Variants in KL observed in about 807,000 individuals in gnomAD.
KL encodes the protein klotho.
KL carries 62 observed loss-of-function variants against 84.2 expected under a neutral mutation model. That is an observed-to-expected ratio of 0.74 (90% CI 0.60 to 0.91). The LOEUF (loss-of-function observed/expected upper bound fraction) is 0.91. Ranked by LOEUF, KL falls within the 40% of genes least tolerant of loss-of-function variation. The pLI is 0.00. For synonymous variants in KL, 528 were observed against 528.0 expected, an observed-to-expected ratio of 1.00 and a Z score of 0.00; for missense variants, 1,261 against 1,305.7, an observed-to-expected ratio of 0.97 and a Z score of 0.53.
In KL at chr13:33,040,320, T is replaced by C. The variant is rs147281544; in HGVS notation, c.820-13447T>C. On this transcript the variant is annotated intron_variant, in intron 1 of 4. Coordinates refer to ENST00000380099, the MANE Select transcript of KL (RefSeq NM_004795.4). ...TTATGTAAACACCACACAGTAGCAG[T>C]GACTTTTAAGGAAGTCCTCAGACAA... Among the ~76,000 whole-genome samples, 249 of 152,330 alleles carry C rather than the reference T, an allele frequency of 1.6e-3. 3 individuals are homozygous for C. Among genetic ancestry groups the C allele is most frequent in the African/African-American group, 5.6e-3 (234 of 41,578 alleles).
chr13:33,061,002 G>A lies in KL; in HGVS notation c.1923G>A (p.Met641Ile), dbSNP rs1478552088. ...CAGTGGTGGCCCTGTGGCAGCCTATGGCCCCGAACCAAGGACTGCCGCGCC... is the reference window on the plus strand; with the variant it reads ...CAGTGGTGGCCCTGTGGCAGCCTATAGCCCCGAACCAAGGACTGCCGCGCC... ...ITPVVALWQP[M>I]APNQGLPRLL... is the part of the protein sequence containing the mutation. The change falls in exon 4 of 5, where the codon ATG becomes ATA. Residue 641 changes from methionine (M) to isoleucine (I), a missense_variant. Met to Ile is a conservative substitution (Grantham distance 10). Transcript: ENST00000380099. 8.1e-6 allele frequency: 13 copies of A among 1,612,810 alleles called. No individual in the cohort carries two copies. Among genetic ancestry groups the A allele is most frequent in the Non-Finnish European group, 1.1e-5 (13 of 1,179,122 alleles).
intron 1 of KL, 110 bp downstream of exon 1, chr13:33,017,369 A>G: frequency 1.9e-6 from 2 of 1,036,178 alleles, no homozygotes; most frequent in Non-Finnish European, 1.4e-6. Flanking sequence ...CTTCACTTGG[A>G]CACGTGTATG....
chr13:33,065,125 A>T lies in KL; in HGVS notation c.*939A>T, dbSNP rs898831401. 4.4e-6 allele frequency: 1 copy of T among 225,838 alleles called. No homozygotes were observed. Among genetic ancestry groups the T allele is most frequent in the African/African-American group, 2.2e-5 (1 of 44,884 alleles). 14.0% of individuals were successfully genotyped at this position (225,838 alleles called of 1,614,324 possible). On this transcript the variant is annotated 3_prime_UTR_variant, in exon 5 of 5. Coordinates refer to ENST00000380099, the MANE Select transcript of KL (RefSeq NM_004795.4). The stretch of plus-strand genomic sequence containing the variant: ...CATGACCTTTCCCTAGAGAATAAGG[A>T]TGAAATAATCACTCATTCTATGAAC...
At chr13:33,047,894 A>T (rs537597065) in intron 1 of KL, among the ~76,000 whole-genome samples, 1 of 152,030 alleles carries the variant, frequency 6.6e-6, no homozygotes, top group South Asian at 2.1e-4. Flanking sequence ...TCTTATTATT[A>T]TTCCATTTAG....
chr13:33,016,360 C>G (rs1284262167), upstream of KL: 1 of 160,752 alleles, frequency 6.2e-6, no homozygotes, highest in Non-Finnish European at 1.3e-5. Flanking sequence ...GTGGGCGCGC[C>G]GGCGGTGGGC....
At position 33,016,493 on chromosome 13, in the gene KL, C is replaced by CGCTGCT. The variant is rs1402224286; in HGVS notation, c.58_63dup (p.Leu20_Leu21dup). The CGCTGCT allele has an allele frequency of 2.5e-6, 3 of 1,204,142 alleles. No homozygotes were observed. The highest frequency in any genetic ancestry group is 3.1e-6 in the Non-Finnish European group (3 of 971,066). The allele number at this position is 1,204,142 out of a possible 1,614,324, so 74.6% of individuals were successfully genotyped here. On this transcript the variant is annotated inframe_insertion, in exon 1 of 5. Coordinates refer to ENST00000380099, the MANE Select transcript of KL (RefSeq NM_004795.4). The stretch of plus-strand genomic sequence containing the variant: ...CCGCGGCCGCCGCCGCCGTCGCTGT[C>CGCTGCT]GCTGCTGCTGGTGCTGCTGGGCCTG...
Position 33,055,256 on chromosome 13 carries a change from C to T in KL, c.1540C>T (p.Pro514Ser), listed in dbSNP as rs3752472. 9.3e-3 allele frequency: 15,010 copies of T among 1,614,160 alleles called. 692 individuals carry two copies. In the Admixed American group the frequency reaches 0.1, roughly 11 times the overall value. ...NGFPPLPENQ[P>S]LEGTFPCDFA... ...CTTCCCTCCTTTACCTGAAAATCAGCCCCTAGAAGGGACATTTCCCTGTGA... is the reference window on the plus strand; with the variant it reads ...CTTCCCTCCTTTACCTGAAAATCAGTCCCTAGAAGGGACATTTCCCTGTGA... Residue 514 changes from proline to serine, a missense_variant, in exon 3 of 5, where the codon CCC (proline) becomes TCC (serine). By Grantham distance (74) the Pro-to-Ser change is moderately conservative (BLOSUM62 -1). Coordinates refer to ENST00000380099, the MANE Select transcript of KL (RefSeq NM_004795.4).
chr13:33,057,278 A>G (rs1471687942), intron 3 of KL, among the ~76,000 whole-genome samples: 1 of 151,968 alleles, frequency 6.6e-6, no homozygotes, highest in Non-Finnish European at 1.5e-5. Context: ...AATGCAGAAC[A>G]AGAGTGGGGG....
intron 1 of KL, among the ~76,000 whole-genome samples, chr13:33,032,622 C>T (rs921837045): frequency 6.6e-6 from 1 of 152,012 alleles, no homozygotes; most frequent in African/African-American, 2.4e-5. Context: ...TTCTTGATAT[C>T]ATGTAGCTTC....
intron 3 of KL, 98 bp downstream of exon 3, chr13:33,055,413 TTCTTTGA>T (rs1871922907): frequency 6.6e-7 from 1 of 1,520,042 alleles, no homozygotes; most frequent in Non-Finnish European, 9.1e-7. Context: ...ACATTGTCCG[TTCTTTGA>T]GCCAAAAACA....
At chr13:33,034,380 C>A (rs1462331182) in intron 1 of KL, among the ~76,000 whole-genome samples, 2 of 152,078 alleles carry the variant, frequency 1.3e-5, no homozygotes, top group African/African-American at 4.8e-5. Flanking sequence ...ATTTTAAATT[C>A]TGTAAGGGTA....
At chr13:33,041,988 T>C (rs1025854346) in intron 1 of KL, among the ~76,000 whole-genome samples, 6 of 152,188 alleles carry the variant, frequency 3.9e-5, no homozygotes, top group Non-Finnish European at 5.9e-5. Context: ...AACAGGATCA[T>C]ATTTTGAATC....
intron 1 of KL, among the ~76,000 whole-genome samples, chr13:33,045,639 C>A (rs965467823): frequency 6.6e-6 from 1 of 152,070 alleles, no homozygotes; most frequent in African/African-American, 2.4e-5. Flanking sequence ...TGCCACCACA[C>A]CGACTAATTT....
intron 1 of KL, among the ~76,000 whole-genome samples, chr13:33,019,577 A>G (rs1302927208): frequency 6.6e-6 from 1 of 152,068 alleles, no homozygotes; most frequent in East Asian, 1.9e-4. Context: ...GAGAGTCAAG[A>G]ATCATTGATG....
chr13:33,058,318 C>T (rs1872041209), intron 3 of KL, among the ~76,000 whole-genome samples: 1 of 151,636 alleles, frequency 6.6e-6, no homozygotes, highest in African/African-American at 2.4e-5. Flanking sequence ...GGAATTTTGC[C>T]CCAAAAGTCC....
intron 1 of KL, among the ~76,000 whole-genome samples, chr13:33,051,300 G>T (rs1256742434): frequency 6.6e-6 from 1 of 152,174 alleles, no homozygotes; most frequent in Non-Finnish European, 1.5e-5. Context: ...TTGGGAGGCT[G>T]AGGTGGGAGG....
chr13:33,042,410 C>T (rs1029657577), intron 1 of KL, among the ~76,000 whole-genome samples: 1 of 152,124 alleles, frequency 6.6e-6, no homozygotes, highest in East Asian at 1.9e-4. Context: ...CGTAGGAAAC[C>T]GCTGTTGTGA....
Position 33,063,863 on chromosome 13 carries a change from G to A in KL, c.2716G>A (p.Gly906Ser). 1.9e-6 allele frequency: 3 copies of A among 1,614,074 alleles called. No individual in the cohort carries two copies. Among genetic ancestry groups the A allele is most frequent in the Non-Finnish European group, 2.5e-6 (3 of 1,180,000 alleles). The change falls in exon 5 of 5, where the codon GGT becomes AGT. Residue 906 changes from glycine to serine, a missense_variant. Transcript: ENST00000380099. Reference protein sequence around the residue: ...NEALKAHILDGINLCGYFAYS... With the variant: ...NEALKAHILDSINLCGYFAYS... Reference sequence around the variant, plus strand: ...TGTTTTTCCAGCCCACATACTGGATGGTATCAATCTTTGCGGATACTTTGC... The same window carrying A: ...TGTTTTTCCAGCCCACATACTGGATAGTATCAATCTTTGCGGATACTTTGC...
At chr13:33,042,262 A>G (rs1312244718) in intron 1 of KL, among the ~76,000 whole-genome samples, 1 of 152,186 alleles carries the variant, frequency 6.6e-6, no homozygotes, top group African/African-American at 2.4e-5. Context: ...CACATGTTTT[A>G]TAAGCAATTT....
Sources: allele counts gnomAD v4.1 joint callset (sites outside exome capture counted in the v4.1 genomes callset), GRCh38; gene constraint gnomAD v4.1.1; transcripts MANE v1.5; gene names NCBI Gene and HGNC (gene_info 2026-07-23, HGNC 2026-07-21).